The following ADAMDEC1 variants were observed in gnomAD, a reference collection of about 807,000 sequenced individuals.
The protein encoded by ADAMDEC1 is ADAM like decysin 1.
In ADAMDEC1, 62 loss-of-function variants were observed where a neutral mutation model predicts 60.4. The observed-to-expected ratio is 1.03, with a 90% CI of 0.84 to 1.27. The LOEUF is 1.27. ADAMDEC1 is among the 50% of genes most tolerant of loss of function. The probability of loss-of-function intolerance (pLI) is 0.00; values close to 1 mark genes in which losing one functional copy is unlikely to be tolerated. For synonymous variants in ADAMDEC1, 210 were observed against 195.1 expected (o/e 1.08, Z -0.64); for missense variants, 595 against 565.0 (o/e 1.05, Z -0.54).
At chr8:24,386,708 C>A (rs777704488) in intron 1 of ADAMDEC1, among the ~76,000 whole-genome samples, 2 of 152,174 alleles carry the variant, frequency 1.3e-5, no homozygotes, top group Non-Finnish European at 2.9e-5. Context: ...GAATCATTCC[C>A]ATCAGCATAT....
intron 2 of ADAMDEC1, among the ~76,000 whole-genome samples, 165 bp from the exon 3 acceptor site, chr8:24,393,097 C>T (rs1817493084): frequency 6.6e-6 from 1 of 151,588 alleles, no homozygotes; most frequent in Non-Finnish European, 1.5e-5. Flanking sequence ...TTTTGGAAGT[C>T]CATGTTAGTG....
At chr8:24,400,632 C>CATATATATATATATATATATATAT (rs35748437) in intron 11 of ADAMDEC1, among the ~76,000 whole-genome samples, 10 of 145,820 alleles carry the variant, frequency 6.9e-5, no homozygotes, top group African/African-American at 2.5e-4. Context: ...TGTTTCTTTT[C>CATATATATATATATATATATATAT]ATATATATAT....
chr8:24,384,346 T>A lies in ADAMDEC1; in HGVS notation c.-159T>A, dbSNP rs1817237930. The stretch of plus-strand genomic sequence containing the variant: ...AAATATCTCTCAAAGATGAGGAACA[T>A]TCTCATGATGTTGACACTGCAATTT... On this transcript the variant is annotated 5_prime_UTR_variant, in exon 1 of 14. Transcript: ENST00000256412. 1.7e-6 allele frequency: 1 copy of A among 596,310 alleles called. No individual in the cohort carries two copies. Among genetic ancestry groups the A allele is most frequent in the Non-Finnish European group, 2.9e-6 (1 of 342,514 alleles). The allele number at this position is 596,310 out of a possible 1,614,324, so 36.9% of individuals were successfully genotyped here. A position where few individuals can be genotyped will look rare whatever the true frequency, so the allele number is the denominator to read the frequency against.
chr8:24,405,188 T>A, intron 13 of ADAMDEC1, 104 bp from the exon 14 acceptor site: 2 of 1,159,958 alleles, frequency 1.7e-6, no homozygotes, highest in Non-Finnish European at 2.5e-6. Context: ...TATGAATTGT[T>A]ATTCACATAA....
At position 24,395,726 on chromosome 8, in the gene ADAMDEC1, T is replaced by C. The variant is rs767024026; in HGVS notation, c.370T>C (p.Cys124Arg). Residue 124 changes from cysteine (C) to arginine (R), a missense_variant, in exon 5 of 14, where the codon TGT becomes CGT. Cys to Arg is a radical substitution (Grantham distance 180, BLOSUM62 -3). Coordinates refer to ENST00000256412, the MANE Select transcript of ADAMDEC1 (RefSeq NM_014479.3). ...ITTKPENMEH[C>R]YYKGNILNEK... ...TTTCTTTTTTCCACTCCAGGAACACTGTTACTATAAAGGAAACATCCTAAA... is the reference window on the plus strand; with the variant it reads ...TTTCTTTTTTCCACTCCAGGAACACCGTTACTATAAAGGAAACATCCTAAA... 5.3e-5 allele frequency: 85 copies of C among 1,612,432 alleles called. No individual in the cohort carries two copies. In the East Asian group the frequency reaches 1.9e-3, roughly 35 times the overall value.
At chr8:24,393,842 C>A (rs539717125) in intron 3 of ADAMDEC1, among the ~76,000 whole-genome samples, 1 of 152,166 alleles carries the variant, frequency 6.6e-6, no homozygotes, top group Non-Finnish European at 1.5e-5. Flanking sequence ...AGATAGGGAT[C>A]TGCAGATGGG....
Position 24,397,464 on chromosome 8 carries a change from C to A in ADAMDEC1, c.627+8C>A, listed in dbSNP as rs548418718. 1.2e-6 allele frequency: 2 copies of A among 1,612,082 alleles called. No homozygotes were observed. The highest frequency in any genetic ancestry group is 1.1e-5 in the South Asian group (1 of 90,736). ...TCACTCAAAAGCCCAGAGGTGAATA[C>A]AATTCCCTTACCTCATCATTTACTT... On this transcript the variant is annotated splice_region_variant and intron_variant, in intron 6 of 13. Transcript: ENST00000256412.
chr8:24,405,303 A>C lies in ADAMDEC1; in HGVS notation c.*5A>C, dbSNP rs754939672. 1 of 1,612,784 alleles carries C rather than the reference A, an allele frequency of 6.2e-7. No individual in the cohort carries two copies. Among genetic ancestry groups the C allele is most frequent in the Non-Finnish European group, 8.5e-7 (1 of 1,179,276 alleles). ...TTTCCTTCAATCAGAGAGTGAATCC[A>C]AAAGTCTGCTTCACTGAGATGCTAC... On this transcript the variant is annotated 3_prime_UTR_variant, in exon 14 of 14. Coordinates refer to ENST00000256412, the MANE Select transcript of ADAMDEC1 (RefSeq NM_014479.3).
rs1817245984 is a variant in ADAMDEC1 at position 24,384,573 on chromosome 8, G to A, written c.69G>A (p.Trp23Ter). The A allele has an allele frequency of 6.2e-7, 1 of 1,610,374 alleles. No individual in the cohort carries two copies. The highest frequency in any genetic ancestry group is 8.5e-7 in the Non-Finnish European group (1 of 1,178,316). Residue 23 changes from tryptophan (W) to a stop codon, truncating the protein, a stop_gained, in exon 1 of 14, where the codon TGG becomes TGA. Coordinates refer to ENST00000256412, the MANE Select transcript of ADAMDEC1 (RefSeq NM_014479.3). LOFTEE classifies it high-confidence loss of function. ...CTTGGGTCCTGCTGCCTGTACTTTG[G>A]CTCATTGTTCAAACTCAAGGTACGT... ...TMSWVLLPVL[W>*]LIVQTQAIAI...
chr8:24,391,338 A>T (rs949605848), intron 1 of ADAMDEC1, among the ~76,000 whole-genome samples: 12 of 152,298 alleles, frequency 7.9e-5, no homozygotes, highest in African/African-American at 2.9e-4. Flanking sequence ...GAAAAAATAG[A>T]AAAAGTATGC....
At chr8:24,386,661 C>T (rs1817300823) in intron 1 of ADAMDEC1, among the ~76,000 whole-genome samples, 1 of 152,178 alleles carries the variant, frequency 6.6e-6, no homozygotes, top group Non-Finnish European at 1.5e-5. Flanking sequence ...CTAACATTTT[C>T]CCTCCTTCCT....
intron 11 of ADAMDEC1, among the ~76,000 whole-genome samples, chr8:24,400,584 T>C (rs1030440652): frequency 2.0e-5 from 3 of 151,754 alleles, no homozygotes; most frequent in Non-Finnish European, 4.4e-5. Flanking sequence ...AAAGTGCTAT[T>C]TTACAAGTAA....
In ADAMDEC1 at chr8:24,392,818, G is replaced by C. The variant is rs563681579; in HGVS notation, c.207+438G>C. Among the ~76,000 whole-genome samples the C allele has an allele frequency of 2.7e-3, 387 of 142,314 alleles. 1 individual carries two copies. The highest frequency in any genetic ancestry group is 8.3e-3 in the Middle Eastern group (2 of 240). 93.4% of individuals were successfully genotyped at this position (142,314 alleles called of 152,430 possible). A position where few individuals can be genotyped will look rare whatever the true frequency, so the allele number is the denominator to read the frequency against. On this transcript the variant is annotated intron_variant, in intron 2 of 13. Coordinates refer to ENST00000256412, the MANE Select transcript of ADAMDEC1 (RefSeq NM_014479.3). The stretch of plus-strand genomic sequence containing the variant: ...TACTGATTAAAGATACCAATTCTTT[G>C]ACTATTACATTGTTGCAAGTATTTC...
At position 24,398,909 on chromosome 8, in the gene ADAMDEC1, A is replaced by G. The variant is rs1817686085; in HGVS notation, c.798A>G (p.Val266=). The change falls in exon 9 of 14, where the codon GTA becomes GTG. Residue 266 remains valine, a synonymous_variant. Coordinates refer to ENST00000256412, the MANE Select transcript of ADAMDEC1 (RefSeq NM_014479.3). The part of the protein sequence containing the change: ...YNTIDVQVAL[V]GMEIWSDGDK... ...CCATAGATGTTCAAGTGGCCTTGGT[A>G]GGTATGGAAATCTGGTCTGATGGGG... The G allele has an allele frequency of 5.0e-6, 8 of 1,613,836 alleles. No individual in the cohort carries two copies. The East Asian group carries it at 1.8e-4, about 36-fold the overall frequency.
intron 13 of ADAMDEC1, 109 bp from the exon 14 acceptor site, chr8:24,405,183 A>G: frequency 8.8e-7 from 1 of 1,139,828 alleles, no homozygotes; most frequent in Non-Finnish European, 1.3e-6. Flanking sequence ...AATAATATGA[A>G]TTGTTATTCA....
At chr8:24,399,280 C>A in intron 9 of ADAMDEC1, 113 bp from the exon 10 acceptor site, 2 of 1,186,706 alleles carry the variant, frequency 1.7e-6, no homozygotes, top group Non-Finnish European at 2.5e-6. Flanking sequence ...TTTTTGGGGC[C>A]TAGTGAATAT....
intron 1 of ADAMDEC1, among the ~76,000 whole-genome samples, chr8:24,389,971 C>T (rs58130206): frequency 0.023 from 3,512 of 152,296 alleles, 120 homozygotes; most frequent in African/African-American, 0.079. Context: ...TATATTTCAT[C>T]ACCATAGTAC....
Position 24,384,509 on chromosome 8 carries a change from T to C in ADAMDEC1, c.5T>C (p.Leu2Pro). Reference protein sequence around the residue: MLRGISQLPAVA... With the variant: MPRGISQLPAVA... ...CACTGGGGAGACCACAACTTCATGCTGCGTGGGATCTCCCAGCTACCTGCA... is the reference window on the plus strand; with the variant it reads ...CACTGGGGAGACCACAACTTCATGCCGCGTGGGATCTCCCAGCTACCTGCA... Residue 2 changes from leucine (L) to proline (P), a missense_variant, in exon 1 of 14, where the codon CTG becomes CCG. Coordinates refer to ENST00000256412, the MANE Select transcript of ADAMDEC1 (RefSeq NM_014479.3). 1 of 1,606,820 alleles carries C rather than the reference T, an allele frequency of 6.2e-7. No individual in the cohort carries two copies. Among genetic ancestry groups the C allele is most frequent in the Non-Finnish European group, 8.5e-7 (1 of 1,176,196 alleles).
At chr8:24,396,346 T>C (rs1303638588) in intron 5 of ADAMDEC1, among the ~76,000 whole-genome samples, 6 of 151,766 alleles carry the variant, frequency 4.0e-5, no homozygotes, top group African/African-American at 1.5e-4. Context: ...CCATCTCTAC[T>C]AAAAATACAA....
Sources: gnomAD v4.1 joint callset for allele counts (sites outside exome capture counted in the v4.1 genomes callset) on GRCh38, gnomAD v4.1.1 for gene constraint, MANE v1.5 for transcripts, NCBI Gene and HGNC (gene_info 2026-07-23, HGNC 2026-07-21) for gene names.